TANC2: variants seen among roughly 807,000 people sequenced by gnomAD.
TANC2 encodes the protein protein TANC2.
Under a neutral mutation model 210.5 loss-of-function variants are expected in TANC2, and 26 were observed. The observed-to-expected ratio is 0.12, with a 90% CI of 0.09 to 0.17. TANC2 has a LOEUF of 0.17. TANC2 is among the 10% of genes least tolerant of loss of function. The pLI is 1.00. For synonymous variants in TANC2, 931 were observed against 967.1 expected (o/e 0.96, Z 0.69); for missense variants, 2,129 against 2,608.9 (o/e 0.82, Z 4.01).
At chr17:63,177,236 G>A (rs2040615916) in intron 5 of TANC2, among the ~76,000 whole-genome samples, 1 of 139,450 alleles carries the variant, frequency 7.2e-6, no homozygotes, top group African/African-American at 2.7e-5. Flanking sequence ...TTGTACTCCA[G>A]CCTGGGTGAC....
In TANC2 at chr17:63,141,050, A is replaced by G. The variant is rs1209563825; in HGVS notation, c.323-10220A>G. 2.6e-5 allele frequency among the ~76,000 whole-genome samples: 4 copies of G among 151,932 alleles called. No homozygotes were observed. In the East Asian group the frequency reaches 7.8e-4, roughly 30 times the overall value. Reference sequence around the variant, plus strand: ...CAGGCGCAAGCCACCATGCCTGCCCAGGAAGAGTATTATAAATGAAATATT... The same window carrying G: ...CAGGCGCAAGCCACCATGCCTGCCCGGGAAGAGTATTATAAATGAAATATT... On this transcript the variant is annotated intron_variant, in intron 4 of 27. Coordinates refer to ENST00000689528, the Ensembl canonical transcript of TANC2.
intron 11 of TANC2, among the ~76,000 whole-genome samples, chr17:63,326,865 A>G (rs1184444077): frequency 6.6e-6 from 1 of 152,218 alleles, no homozygotes; most frequent in Non-Finnish European, 1.5e-5. Context: ...AACAAAAGGA[A>G]AAATAGACAA....
chr17:63,042,313 A>G (rs2035219634), intron 2 of TANC2, among the ~76,000 whole-genome samples: 1 of 152,158 alleles, frequency 6.6e-6, no homozygotes, highest in Non-Finnish European at 1.5e-5. Context: ...AAAATAAAGC[A>G]TATTAAAGAA....
rs559678371 is a variant in TANC2, at chr17:63,277,278, CT to C, written c.1159+9420del. ...CCTCCTCTGGTCTTTCCATCTTCTT[CT>C]TTTTTTTTTTTTTTAACTTTTATTT... On this transcript the variant is annotated intron_variant, in intron 9 of 27. Transcript: ENST00000689528. 8.1e-3 allele frequency among the ~76,000 whole-genome samples: 1,146 copies of C among 141,136 alleles called. 7 individuals are homozygous for C. Among genetic ancestry groups the C allele is most frequent in the African/African-American group, 0.018 (698 of 38,478 alleles). The allele number at this position is 141,136 out of a possible 152,430, so 92.6% of individuals were successfully genotyped here.
At chr17:63,119,115 G>C (rs1249558341) in intron 4 of TANC2, among the ~76,000 whole-genome samples, 4 of 151,982 alleles carry the variant, frequency 2.6e-5, no homozygotes, top group African/African-American at 9.7e-5. Flanking sequence ...TTTTTATAGA[G>C]ATGAAGTCTC....
At chr17:63,238,073 A>G (rs1381912929) in exon 8 of TANC2, 1 of 1,535,854 alleles carries the variant, frequency 6.5e-7, no homozygotes, top group Admixed American at 2.1e-5. Context: ...CAAATTCAGT[A>G]GCAGGTAAGT....
At chr17:63,033,577 G>A (rs953991848) in intron 2 of TANC2, among the ~76,000 whole-genome samples, 4 of 152,052 alleles carry the variant, frequency 2.6e-5, no homozygotes, top group African/African-American at 9.7e-5. Flanking sequence ...ACTGGGGGTG[G>A]GAGGCAGAAC....
chr17:63,386,436 A>G (rs2147128476), intron 15 of TANC2, among the ~76,000 whole-genome samples: 1 of 152,258 alleles, frequency 6.6e-6, no homozygotes, highest in East Asian at 1.9e-4. Context: ...AATATCTGGG[A>G]TTTTTCAAAA....
At chr17:63,093,932 A>C (rs555543130) in intron 3 of TANC2, among the ~76,000 whole-genome samples, 4 of 152,108 alleles carry the variant, frequency 2.6e-5, no homozygotes, top group African/African-American at 9.6e-5. Flanking sequence ...TAGGTTTCTA[A>C]TTTCTCTTAC....
At chr17:63,075,612 A>C (rs1220082364) in intron 3 of TANC2, among the ~76,000 whole-genome samples, 1 of 152,128 alleles carries the variant, frequency 6.6e-6, no homozygotes, top group Non-Finnish European at 1.5e-5. Flanking sequence ...GGCTCACTGC[A>C]ACCTCCGCCT....
intron 2 of TANC2, among the ~76,000 whole-genome samples, chr17:63,058,553 G>C (rs947743016): frequency 3.3e-5 from 5 of 151,992 alleles, no homozygotes; most frequent in African/African-American, 1.2e-4. Context: ...TTATAGTTGC[G>C]GGTTTTACAT....
chr17:63,301,902 G>C (rs1159995115), intron 9 of TANC2, among the ~76,000 whole-genome samples: 1 of 152,046 alleles, frequency 6.6e-6, no homozygotes, highest in Non-Finnish European at 1.5e-5. Context: ...CTGGCTTTCT[G>C]ATGTGGGCAT....
intron 18 of TANC2, among the ~76,000 whole-genome samples, chr17:63,398,449 C>T (rs2048237793): frequency 6.7e-6 from 1 of 149,502 alleles, no homozygotes; most frequent in Admixed American, 6.7e-5. Context: ...GAACGAGACC[C>T]TGTCTCAAAA....
chr17:63,029,281 T>C (rs1416591165), intron 2 of TANC2, among the ~76,000 whole-genome samples: 1 of 152,128 alleles, frequency 6.6e-6, no homozygotes, highest in African/African-American at 2.4e-5. Context: ...AGGAAAGAAC[T>C]TGGTAAATAA....
intron 11 of TANC2, chr17:63,339,192 A>G (rs932610934): frequency 2.6e-5 from 4 of 152,278 alleles, no homozygotes; most frequent in Non-Finnish European, 4.4e-5. Context: ...GCTGAGCACC[A>G]TGCTGAGTGC....
chr17:63,014,761 A>ATTCC (rs2034031402), intron 2 of TANC2, among the ~76,000 whole-genome samples: 1 of 152,172 alleles, frequency 6.6e-6, no homozygotes, highest in African/African-American at 2.4e-5. Flanking sequence ...ATTATAGCTA[A>ATTCC]TTCCTTTGAT....
chr17:63,101,999 G>C (rs2037640459), intron 4 of TANC2, among the ~76,000 whole-genome samples: 1 of 152,158 alleles, frequency 6.6e-6, no homozygotes, highest in African/African-American at 2.4e-5. Flanking sequence ...TGAAGGGACA[G>C]TAGTAGAAAA....
intron 13 of TANC2, among the ~76,000 whole-genome samples, chr17:63,354,283 G>A (rs1389780513): frequency 6.6e-6 from 1 of 152,184 alleles, no homozygotes; most frequent in Non-Finnish European, 1.5e-5. Context: ...GGTATCTCCA[G>A]AAGGCCCGCA....
At position 63,239,148 on chromosome 17, in the gene TANC2, T is replaced by TA. The variant is rs200046501; in HGVS notation, c.1033+1087dup. On this transcript the variant is annotated intron_variant, in intron 8 of 27. Coordinates refer to ENST00000689528, the Ensembl canonical transcript of TANC2. ...GCGCAACATAGTGAGACCTTGTCTCTAAAAAAAAAAAAAAAAGAAAGAAAT... is the reference window on the plus strand; with the variant it reads ...GCGCAACATAGTGAGACCTTGTCTCTAAAAAAAAAAAAAAAAAGAAAGAAAT... Among the ~76,000 whole-genome samples the TA allele has an allele frequency of 9.7e-3, 1,202 of 124,488 alleles. 14 individuals are homozygous for TA. The highest frequency in any genetic ancestry group is 0.028 in the African/African-American group (954 of 33,694). 81.7% of individuals were successfully genotyped at this position (124,488 alleles called of 152,430 possible). A position where few individuals can be genotyped will look rare whatever the true frequency, so the allele number is the denominator to read the frequency against.
Sources: gnomAD v4.1 joint callset for allele counts (sites outside exome capture counted in the v4.1 genomes callset) on GRCh38, gnomAD v4.1.1 for gene constraint, MANE v1.5 for transcripts, NCBI Gene and HGNC (gene_info 2026-07-23, HGNC 2026-07-21) for gene names.